EGFR: variants seen among roughly 807,000 people sequenced by gnomAD.
The protein encoded by EGFR is epidermal growth factor receptor.
Under a neutral mutation model 143.0 loss-of-function variants are expected in EGFR, and 58 were observed. The ratio of observed to expected loss-of-function variants is 0.41; its 90% CI spans 0.33 to 0.50. The LOEUF (loss-of-function observed/expected upper bound fraction) is 0.50. EGFR is among the 20% of genes least tolerant of loss of function. The pLI is 0.39. For missense variants in EGFR, 1,307 were observed against 1,579.0 expected (o/e 0.83, Z 2.92); for synonymous variants, 613 against 594.4 (o/e 1.03, Z -0.45).
chr7:55,064,690 A>G (rs920320492), intron 1 of EGFR, among the ~76,000 whole-genome samples: 49 of 152,260 alleles, frequency 3.2e-4, no homozygotes, highest in African/African-American at 1.1e-3. Flanking sequence ...CCAAGAAAAG[A>G]TAGTGAAACC....
chr7:55,189,123 T>C (rs1787274425), intron 20 of EGFR, among the ~76,000 whole-genome samples: 1 of 152,034 alleles, frequency 6.6e-6, no homozygotes, highest in African/African-American at 2.4e-5. Context: ...TGTGTGTATA[T>C]ATATATACAC....
intron 1 of EGFR, among the ~76,000 whole-genome samples, chr7:55,096,262 G>A (rs1246114497): frequency 2.6e-5 from 4 of 152,090 alleles, no homozygotes; most frequent in African/African-American, 9.7e-5. Context: ...ATCTTCTCAG[G>A]CACACTGATA....
chr7:55,170,317 G>A (rs909905659), intron 15 of EGFR: 6 of 1,614,038 alleles, frequency 3.7e-6, no homozygotes, highest in Middle Eastern at 1.6e-4. Flanking sequence ...GCCAGGAAAT[G>A]AGAGTCTCAA....
chr7:55,060,580 CCTT>C (rs747509706), intron 1 of EGFR, among the ~76,000 whole-genome samples: 1 of 152,126 alleles, frequency 6.6e-6, no homozygotes, highest in African/African-American at 2.4e-5. Flanking sequence ...TAATCAGTAT[CCTT>C]CTTCAGTATG....
chr7:55,203,986 A>G (rs930149353), intron 27 of EGFR, among the ~76,000 whole-genome samples: 1 of 151,134 alleles, frequency 6.6e-6, no homozygotes, highest in Non-Finnish European at 1.5e-5. Flanking sequence ...GTATATAAAG[A>G]TTTAGATATA....
intron 1 of EGFR, among the ~76,000 whole-genome samples, chr7:55,049,438 G>T (rs980817887): frequency 1.3e-5 from 2 of 152,174 alleles, no homozygotes; most frequent in African/African-American, 4.8e-5. Flanking sequence ...GCAGTGAAAG[G>T]GTTAGGCCTA....
At chr7:55,191,528 T>G (rs1459312588) in intron 20 of EGFR, among the ~76,000 whole-genome samples, 191 bp from the exon 21 acceptor site, 1 of 152,182 alleles carries the variant, frequency 6.6e-6, no homozygotes, top group Non-Finnish European at 1.5e-5. Context: ...GAAAAGTTAA[T>G]GGTCAGCAGC....
intron 5 of EGFR, chr7:55,152,317 CAA>C (rs1785197367): frequency 1.4e-6 from 1 of 728,576 alleles, no homozygotes; most frequent in Admixed American, 1.8e-5. Context: ...TAGCAGGTCT[CAA>C]AGTCTAGACT....
intron 1 of EGFR, among the ~76,000 whole-genome samples, chr7:55,038,501 C>A (rs1467716599): frequency 6.6e-6 from 1 of 152,170 alleles, no homozygotes; most frequent in African/African-American, 2.4e-5. Context: ...TTGTGGGATG[C>A]AAACACACGT....
At chr7:55,069,040 T>C (rs1428363382) in intron 1 of EGFR, among the ~76,000 whole-genome samples, 1 of 152,232 alleles carries the variant, frequency 6.6e-6, no homozygotes, top group South Asian at 2.1e-4. Context: ...AGAAAAGTCA[T>C]GATACTCAAG....
chr7:55,146,028 C>A (rs977610050), intron 3 of EGFR, among the ~76,000 whole-genome samples: 6 of 152,196 alleles, frequency 3.9e-5, no homozygotes, highest in African/African-American at 1.4e-4. Context: ...CTTGTTAGTT[C>A]TTCTTTGGAA....
At chr7:55,203,324 TACAC>T (rs561535097) in intron 27 of EGFR, among the ~76,000 whole-genome samples, 1 of 123,004 alleles carries the variant, frequency 8.1e-6, no homozygotes, top group Non-Finnish European at 1.7e-5. Context: ...ACACACCACA[TACAC>T]ACACGTATAC....
At position 55,211,564 on chromosome 7, in the gene EGFR, A is replaced by G. The variant is rs764486818; in HGVS notation, c.*5947A>G. ...CATTGAGTATTAAAAAATTAGATGT[A>G]TATTATTCATTGTTCTTTACTCCTG... On this transcript the variant is annotated 3_prime_UTR_variant, in exon 28 of 28. Transcript: ENST00000275493. 2.0e-4 allele frequency: 30 copies of G among 151,902 alleles called. No individual in the cohort carries two copies. Among genetic ancestry groups the G allele is most frequent in the East Asian group, 3.9e-4 (2 of 5,162 alleles). The allele number at this position is 151,902 out of a possible 1,614,324, so 9.4% of individuals were successfully genotyped here.
At chr7:55,164,931 G>T (rs761480364) in intron 14 of EGFR, among the ~76,000 whole-genome samples, 1 of 152,112 alleles carries the variant, frequency 6.6e-6, no homozygotes, top group African/African-American at 2.4e-5. Flanking sequence ...ACTATAATAT[G>T]CAAGAAAGAC....
chr7:55,154,550 G>A (rs376137301), intron 7 of EGFR, among the ~76,000 whole-genome samples: 27 of 152,390 alleles, frequency 1.8e-4, no homozygotes, highest in East Asian at 7.7e-4. Flanking sequence ...TTAATACACC[G>A]AAATCAGAGA....
chr7:55,147,866 G>T (rs999452531), intron 4 of EGFR, among the ~76,000 whole-genome samples: 1 of 152,190 alleles, frequency 6.6e-6, no homozygotes, highest in African/African-American at 2.4e-5. Context: ...TCTCATACAG[G>T]TGGAATCATG....
intron 1 of EGFR, among the ~76,000 whole-genome samples, chr7:55,096,821 G>A (rs1396196016): frequency 6.6e-6 from 1 of 152,164 alleles, no homozygotes; most frequent in Non-Finnish European, 1.5e-5. Context: ...GCCCTTGCTG[G>A]AGCCAGGGAA....
chr7:55,067,930 G>A lies in EGFR; in HGVS notation c.88+48565G>A, dbSNP rs140403952. Among the ~76,000 whole-genome samples, 112 of 151,206 alleles carry A rather than the reference G, an allele frequency of 7.4e-4. 6 individuals are homozygous for A. The highest frequency in any genetic ancestry group is 2.4e-3 in the African/African-American group (98 of 40,622). The stretch of plus-strand genomic sequence containing the variant: ...TGTGTTCCTGTGTATGTGTGTCTGC[G>A]CACGTGTGTATGCATGTATATGGGT... On this transcript the variant is annotated intron_variant, in intron 1 of 27. Transcript: ENST00000275493.
chr7:55,184,659 T>A (rs1290480422), intron 20 of EGFR, among the ~76,000 whole-genome samples: 1 of 152,244 alleles, frequency 6.6e-6, no homozygotes. Context: ...CATTCTTGTG[T>A]TTGTTGTACT....
Sources: allele counts gnomAD v4.1 joint callset (sites outside exome capture counted in the v4.1 genomes callset), GRCh38; gene constraint gnomAD v4.1.1; transcripts MANE v1.5; gene names NCBI Gene and HGNC (gene_info 2026-07-23, HGNC 2026-07-21).